CARF: variants seen among roughly 807,000 people sequenced by gnomAD.
The protein encoded by CARF is calcium responsive transcription factor.
In CARF, 57 loss-of-function variants were observed where a neutral mutation model predicts 82.0. The observed-to-expected ratio is 0.70, with a 90% CI of 0.56 to 0.87. The LOEUF (loss-of-function observed/expected upper bound fraction) is 0.87. CARF is among the 40% of genes least tolerant of loss of function. The pLI, the probability that CARF is intolerant of heterozygous loss-of-function variation, is 0.00. For missense variants in CARF, 771 were observed against 855.8 expected (o/e 0.90, Z 1.24); for synonymous variants, 268 against 290.1 (o/e 0.92, Z 0.77).
rs1491098285 is a variant in CARF, at chr2:202,986,868, G to GTATGTA, written c.*3247_*3248insGTATAT. The stretch of plus-strand genomic sequence containing the variant: ...AAAGAGGTTTAAAAAATGTCTGTGC[G>GTATGTA]TATATATATATATATATATATATAT... On this transcript the variant is annotated 3_prime_UTR_variant, in exon 17 of 17. Transcript: ENST00000438828. 76 of 29,650 alleles carry GTATGTA rather than the reference G, an allele frequency of 2.6e-3. 1 individual carries two copies. Among genetic ancestry groups the GTATGTA allele is most frequent in the African/African-American group, 5.6e-3 (73 of 13,024 alleles). The allele number at this position is 29,650 out of a possible 1,614,324, so 1.8% of individuals were successfully genotyped here. A position where few individuals can be genotyped will look rare whatever the true frequency, so the allele number is the denominator to read the frequency against.
At chr2:202,923,053 C>A (rs771580139) in intron 2 of CARF, among the ~76,000 whole-genome samples, 3 of 151,896 alleles carry the variant, frequency 2.0e-5, no homozygotes, top group Non-Finnish European at 2.9e-5. Context: ...ACCAGCCTGA[C>A]CAACATGGTG....
chr2:202,964,934 G>T (rs1005307527), intron 9 of CARF, among the ~76,000 whole-genome samples: 9 of 149,092 alleles, frequency 6.0e-5, no homozygotes, highest in African/African-American at 2.2e-4. Context: ...AGAATCCTGT[G>T]ATCACACTTA....
At chr2:202,977,596 A>T (rs984604957) in intron 14 of CARF, among the ~76,000 whole-genome samples, 1 of 152,226 alleles carries the variant, frequency 6.6e-6, no homozygotes, top group Non-Finnish European at 1.5e-5. Flanking sequence ...AAGTCTGGCT[A>T]ATTCCAGTAG....
intron 1 of CARF, among the ~76,000 whole-genome samples, chr2:202,914,403 T>A (rs1689205713): frequency 1.3e-5 from 2 of 152,334 alleles, no homozygotes; most frequent in South Asian, 2.1e-4. Context: ...ATGCACTCTG[T>A]GATCTTAAGC....
intron 14 of CARF, among the ~76,000 whole-genome samples, chr2:202,981,336 C>T (rs1471951859): frequency 6.6e-6 from 1 of 152,194 alleles, no homozygotes; most frequent in Admixed American, 6.5e-5. Context: ...GTAAGGCTTG[C>T]TTGCCCCATG....
intron 12 of CARF, 73 bp from the exon 13 acceptor site, chr2:202,974,261 C>A: frequency 9.3e-7 from 1 of 1,076,764 alleles, no homozygotes; most frequent in Non-Finnish European, 1.3e-6. Flanking sequence ...TGAAAGAGAA[C>A]CTTTCTGTCT....
chr2:202,947,477 G>A (rs779521762), intron 5 of CARF, among the ~76,000 whole-genome samples: 1 of 152,072 alleles, frequency 6.6e-6, no homozygotes, highest in South Asian at 2.1e-4. Flanking sequence ...GGCCTGTCGG[G>A]GGGGTAGGGG....
intron 7 of CARF, among the ~76,000 whole-genome samples, chr2:202,954,875 G>A (rs558437933): frequency 2.0e-5 from 3 of 151,618 alleles, no homozygotes; most frequent in Admixed American, 1.3e-4. Context: ...TTAGCCGGGC[G>A]TGGTGGCCGG....
intron 3 of CARF, among the ~76,000 whole-genome samples, chr2:202,936,106 A>G (rs1693889970): frequency 6.6e-6 from 1 of 152,138 alleles, no homozygotes. Context: ...TTAGGATTGT[A>G]AGTGTGAGCC....
intron 3 of CARF, among the ~76,000 whole-genome samples, chr2:202,936,718 A>G (rs1362589617): frequency 6.6e-6 from 1 of 152,196 alleles, no homozygotes; most frequent in Non-Finnish European, 1.5e-5. Context: ...CCCTTATCAG[A>G]TACATGATTT....
chr2:202,983,150 G>A (rs2060336279), intron 16 of CARF, among the ~76,000 whole-genome samples: 1 of 151,928 alleles, frequency 6.6e-6, no homozygotes, highest in Non-Finnish European at 1.5e-5. Context: ...CACTCCTCAC[G>A]CAGTGAGCCA....
rs1329569037 is a variant in CARF, at chr2:202,961,398, A to G, written c.804A>G (p.Pro268=). The change falls in exon 9 of 17, where the codon CCA becomes CCG. Residue 268 remains proline (P), a synonymous_variant. Coordinates refer to ENST00000438828, the MANE Select transcript of CARF (RefSeq NM_024744.17). ...TGATGTGGAAATCCCAGTATGTTCC[A>G]TATGATGGAATCCCATTTGTTAATG... ...TRLMWKSQYV[P]YDGIPFVNAG... is the part of the protein sequence containing the mutation. 6.2e-7 allele frequency: 1 copy of G among 1,614,106 alleles called. No homozygotes were observed. Among genetic ancestry groups the G allele is most frequent in the Admixed American group, 1.7e-5 (1 of 60,008 alleles).
intron 2 of CARF, among the ~76,000 whole-genome samples, chr2:202,920,223 C>T (rs977682719): frequency 2.0e-5 from 3 of 151,068 alleles, no homozygotes; most frequent in African/African-American, 7.3e-5. Flanking sequence ...AGTGCACTCT[C>T]AGCTCACTGC....
intron 2 of CARF, among the ~76,000 whole-genome samples, chr2:202,919,872 A>G (rs1290358473): frequency 2.0e-5 from 3 of 152,206 alleles, no homozygotes; most frequent in Non-Finnish European, 1.5e-5. Context: ...CCTATCCTAT[A>G]TGTAAATTGG....
In CARF at chr2:202,913,105, ATG is replaced by A. The variant is rs1383353914; in HGVS notation, c.-330+8_-330+9del. The A allele has an allele frequency of 6.6e-6, 1 of 152,218 alleles. No individual in the cohort carries two copies. Among genetic ancestry groups the A allele is most frequent in the Non-Finnish European group, 1.5e-5 (1 of 68,052 alleles). 9.4% of individuals were successfully genotyped at this position (152,218 alleles called of 1,614,324 possible). A position where few individuals can be genotyped will look rare whatever the true frequency, so the allele number is the denominator to read the frequency against. On this transcript the variant is annotated splice_donor_5th_base_variant and intron_variant, in intron 1 of 16. Transcript: ENST00000438828. ...TTGCAAAATTTATGGGCAGACCGGT[ATG>A]TGTGCAGGTGAAGACAAAGCTTTCC...
At chr2:202,958,974 G>T (rs2059182673) in intron 8 of CARF, among the ~76,000 whole-genome samples, 1 of 118,700 alleles carries the variant, frequency 8.4e-6, no homozygotes, top group South Asian at 3.2e-4. Context: ...TCAAAATATT[G>T]TTTAGTAATC....
intron 11 of CARF, 149 bp downstream of exon 11, chr2:202,970,211 T>A: frequency 1.4e-6 from 1 of 727,102 alleles, no homozygotes; most frequent in Non-Finnish European, 2.1e-6. Flanking sequence ...AGGTATTAAA[T>A]TGATTTGCCA....
intron 4 of CARF, among the ~76,000 whole-genome samples, 169 bp downstream of exon 4, chr2:202,942,149 G>T (rs184530563): frequency 6.6e-6 from 1 of 152,066 alleles, no homozygotes; most frequent in East Asian, 1.9e-4. Context: ...TGAGGCGGGC[G>T]TATCACCTGA....
chr2:202,951,796 C>G (rs1360446274), intron 5 of CARF, among the ~76,000 whole-genome samples: 3 of 151,592 alleles, frequency 2.0e-5, no homozygotes, highest in African/African-American at 7.3e-5. Flanking sequence ...TGCTGAGATA[C>G]CAAAATAAAT....
Sources: gnomAD v4.1 joint callset for allele counts (sites outside exome capture counted in the v4.1 genomes callset) on GRCh38, gnomAD v4.1.1 for gene constraint, MANE v1.5 for transcripts, NCBI Gene and HGNC (gene_info 2026-07-23, HGNC 2026-07-21) for gene names.